The following PARL variants were observed in gnomAD, a reference collection of about 807,000 sequenced individuals.
PARL encodes presenilin-associated rhomboid-like protein, mitochondrial.
A neutral mutation model predicts 51.6 loss-of-function variants in PARL; 44 were observed. The ratio of observed to expected loss-of-function variants is 0.85; its 90% CI spans 0.67 to 1.10. The LOEUF (loss-of-function observed/expected upper bound fraction) is 1.10. Ranked by LOEUF, PARL falls within the 50% of genes least tolerant of loss-of-function variation. The pLI, the probability that PARL is intolerant of heterozygous loss-of-function variation, is 0.00. For missense variants in PARL, 441 were observed against 469.5 expected (o/e 0.94, Z 0.56); for synonymous variants, 172 against 164.0 (o/e 1.05, Z -0.37).
chr3:183,861,745 T>C (rs890427239), intron 4 of PARL, among the ~76,000 whole-genome samples: 4 of 152,176 alleles, frequency 2.6e-5, no homozygotes, highest in African/African-American at 2.4e-5. Flanking sequence ...CTAGAAATAA[T>C]TTTTTCTTTT....
intron 4 of PARL, among the ~76,000 whole-genome samples, chr3:183,852,355 C>T (rs1005832706): frequency 4.6e-5 from 7 of 151,800 alleles, no homozygotes; most frequent in African/African-American, 7.3e-5. Flanking sequence ...ACAATATCGA[C>T]GAACCATTAA....
intron 4 of PARL, among the ~76,000 whole-genome samples, chr3:183,846,010 C>A (rs1002703265): frequency 1.3e-5 from 2 of 152,018 alleles, no homozygotes; most frequent in Non-Finnish European, 2.9e-5. Flanking sequence ...GGTCCCTGAT[C>A]CTGCCTACTA....
chr3:183,875,335 A>G lies in PARL; in HGVS notation c.126-7275T>C, dbSNP rs976898269. On this transcript the variant is annotated intron_variant, in intron 1 of 9. Transcript: ENST00000317096. ...GAGGTTGAGGCAGGAGAATCGCTTG[A>G]ACCTGGGAGATGGAGGCTGCAGTGA... Among the ~76,000 whole-genome samples the G allele has an allele frequency of 2.7e-5, 4 of 149,754 alleles. No individual in the cohort carries two copies. The Admixed American group carries it at 2.7e-4, about 10-fold the overall frequency.
At chr3:183,837,037 G>A (rs1256246248) in intron 7 of PARL, among the ~76,000 whole-genome samples, 2 of 152,094 alleles carry the variant, frequency 1.3e-5, no homozygotes, top group East Asian at 3.9e-4. Flanking sequence ...CACTGCGCCT[G>A]GGCTCACAAA....
chr3:183,882,270 T>C, intron 1 of PARL, among the ~76,000 whole-genome samples: 1 of 75,522 alleles, frequency 1.3e-5, no homozygotes, highest in African/African-American at 4.5e-5. Flanking sequence ...TATATATATT[T>C]ATATATATAT....
At chr3:183,836,416 T>G (rs1728600938) in intron 7 of PARL, among the ~76,000 whole-genome samples, 1 of 152,196 alleles carries the variant, frequency 6.6e-6, no homozygotes. Flanking sequence ...TTTCTCGATG[T>G]GGCTTTTATA....
At chr3:183,828,057 C>T (rs1018610756), downstream of PARL, among the ~76,000 whole-genome samples, 3 of 152,218 alleles carry the variant, frequency 2.0e-5, no homozygotes, top group African/African-American at 7.2e-5. Context: ...GTGAAGCACC[C>T]TCGTGGGCAA....
At chr3:183,866,859 T>A (rs1419855801) in intron 2 of PARL, 94 bp from the exon 3 acceptor site, 4 of 942,628 alleles carry the variant, frequency 4.2e-6, no homozygotes, top group Non-Finnish European at 6.6e-6. Context: ...CATTGCTTTT[T>A]ACAAACCAAC....
At chr3:183,882,380 TATAC>T (rs1398152674) in intron 1 of PARL, among the ~76,000 whole-genome samples, 1 of 131,538 alleles carries the variant, frequency 7.6e-6, no homozygotes, top group Non-Finnish European at 1.6e-5. Flanking sequence ...CACACACATA[TATAC>T]ATATATATGC....
intron 4 of PARL, among the ~76,000 whole-genome samples, chr3:183,854,385 C>T (rs914165711): frequency 5.3e-5 from 8 of 152,078 alleles, no homozygotes; most frequent in Non-Finnish European, 1.0e-4. Context: ...GTGATATACA[C>T]ACAAAATAAA....
chr3:183,879,532 G>C (rs957085410), intron 1 of PARL: 1 of 154,470 alleles, frequency 6.5e-6, no homozygotes, highest in Non-Finnish European at 1.4e-5. Context: ...CACTGGACTT[G>C]TCTCGCTAGA....
intron 4 of PARL, among the ~76,000 whole-genome samples, chr3:183,849,657 A>G (rs1730338287): frequency 6.6e-6 from 1 of 152,132 alleles, no homozygotes; most frequent in Non-Finnish European, 1.5e-5. Context: ...TACGTAAATG[A>G]ATAGAAAAAT....
intron 2 of PARL, 149 bp from the exon 3 acceptor site, chr3:183,866,914 CTTTTT>C: frequency 1.7e-6 from 1 of 582,168 alleles, no homozygotes; most frequent in Non-Finnish European, 3.0e-6. Context: ...GTGAAAAGGG[CTTTTT>C]TTTTTCTTTT....
chr3:183,883,462 G>A, intron 1 of PARL: 1 of 253,996 alleles, frequency 3.9e-6, no homozygotes, highest in Non-Finnish European at 6.2e-6. Context: ...TAGAGACGGG[G>A]TTTTGCAATG....
At chr3:183,861,337 T>A in intron 4 of PARL, 1 of 424,880 alleles carries the variant, frequency 2.4e-6, no homozygotes, top group Non-Finnish European at 3.1e-6. Flanking sequence ...CCTTACTGTG[T>A]ACATGATATA....
chr3:183,884,731 A>T lies in PARL; in HGVS notation c.116T>A (p.Leu39His). The T allele has an allele frequency of 6.3e-7, 1 of 1,590,716 alleles. No individual in the cohort carries two copies. Among genetic ancestry groups the T allele is most frequent in the Non-Finnish European group, 8.5e-7 (1 of 1,171,180 alleles). ...GCGCGGCGGCTATTACCTGCGTCCGAGGAGCTGCGGCGGGGTTAGGACCGC... is the reference window on the plus strand; with the variant it reads ...GCGCGGCGGCTATTACCTGCGTCCGTGGAGCTGCGGCGGGGTTAGGACCGC... Reference protein sequence around the residue: ...LTAVLTPPQLLGRRFNFFIQQ... With the variant: ...LTAVLTPPQLHGRRFNFFIQQ... The change falls in exon 1 of 10, where the codon CTC becomes CAC. Residue 39 changes from leucine (L) to histidine (H), a missense_variant. Leu to His is a moderately conservative substitution (Grantham distance 99). Coordinates refer to ENST00000317096, the MANE Select transcript of PARL (RefSeq NM_018622.7).
chr3:183,857,176 G>A (rs1731270691), intron 4 of PARL, among the ~76,000 whole-genome samples: 1 of 152,168 alleles, frequency 6.6e-6, no homozygotes, highest in South Asian at 2.1e-4. Context: ...CCAGCCTTGG[G>A]AGGTTGAGGC....
At chr3:183,836,610 TGAAC>T (rs1728625316) in intron 7 of PARL, among the ~76,000 whole-genome samples, 8 of 152,202 alleles carry the variant, frequency 5.3e-5, no homozygotes, top group Admixed American at 5.2e-4. Context: ...CAGTGAGTCA[TGAAC>T]CCTGATCCAA....
chr3:183,858,924 A>G (rs1731475052), intron 4 of PARL, among the ~76,000 whole-genome samples: 1 of 152,060 alleles, frequency 6.6e-6, no homozygotes, highest in African/African-American at 2.4e-5. Context: ...AAAAATCCCC[A>G]AACAAACCAA....
Sources: allele counts gnomAD v4.1 joint callset (sites outside exome capture counted in the v4.1 genomes callset), GRCh38; gene constraint gnomAD v4.1.1; transcripts MANE v1.5; gene names NCBI Gene and HGNC (gene_info 2026-07-23, HGNC 2026-07-21).